PIP5K1B: variants seen among roughly 807,000 people sequenced by gnomAD.
The protein encoded by PIP5K1B is phosphatidylinositol-4-phosphate 5-kinase type 1 beta.
In PIP5K1B, 42 loss-of-function variants were observed where a neutral mutation model predicts 67.0. The ratio of observed to expected loss-of-function variants is 0.63; its 90% CI spans 0.49 to 0.81. The LOEUF is 0.81. Ranked by LOEUF, PIP5K1B falls within the 30% of genes least tolerant of loss-of-function variation. The probability of loss-of-function intolerance (pLI) is 0.00; values close to 1 mark genes in which losing one functional copy is unlikely to be tolerated. For synonymous variants in PIP5K1B, 214 were observed against 231.4 expected (o/e 0.92, Z 0.68); for missense variants, 459 against 646.3 (o/e 0.71, Z 3.14).
intron 14 of PIP5K1B, among the ~76,000 whole-genome samples, chr9:68,971,227 G>A (rs540291561): frequency 2.6e-4 from 40 of 152,036 alleles, no homozygotes; most frequent in Non-Finnish European, 5.4e-4. Flanking sequence ...TCCCACTTAC[G>A]AGTGAGAACA....
At chr9:68,768,493 TC>T (rs1830537831) in intron 2 of PIP5K1B, among the ~76,000 whole-genome samples, 1 of 152,140 alleles carries the variant, frequency 6.6e-6, no homozygotes, top group South Asian at 2.1e-4. Context: ...GAATTCACAG[TC>T]CTGGGGAAGG....
At chr9:68,740,063 C>T (rs1207842122) in intron 1 of PIP5K1B, among the ~76,000 whole-genome samples, 3 of 152,150 alleles carry the variant, frequency 2.0e-5, no homozygotes, top group African/African-American at 7.2e-5. Flanking sequence ...TCAGCCAGCT[C>T]CCCACCCTTT....
At chr9:68,924,924 A>G (rs1394164814) in intron 12 of PIP5K1B, among the ~76,000 whole-genome samples, 3 of 152,202 alleles carry the variant, frequency 2.0e-5, no homozygotes, top group East Asian at 3.8e-4. Context: ...TGTACTTTCT[A>G]CCAATCTTTA....
chr9:68,855,723 A>G (rs770203887), intron 4 of PIP5K1B, among the ~76,000 whole-genome samples: 2 of 152,096 alleles, frequency 1.3e-5, no homozygotes, highest in Non-Finnish European at 2.9e-5. Context: ...GTATCTCTAT[A>G]TGAACCACTA....
chr9:68,848,839 AT>A (rs1420795764), intron 4 of PIP5K1B, among the ~76,000 whole-genome samples: 5 of 152,244 alleles, frequency 3.3e-5, no homozygotes, highest in African/African-American at 7.2e-5. Flanking sequence ...CCATAAAAAA[AT>A]GAAAATTATA....
intron 6 of PIP5K1B, among the ~76,000 whole-genome samples, chr9:68,878,719 C>A (rs941275620): frequency 6.6e-6 from 1 of 152,198 alleles, no homozygotes; most frequent in African/African-American, 2.4e-5. Context: ...CCAATCAACT[C>A]TACCAGGCAA....
chr9:68,907,676 T>G (rs1825681993), intron 8 of PIP5K1B, among the ~76,000 whole-genome samples: 1 of 152,292 alleles, frequency 6.6e-6, no homozygotes, highest in South Asian at 2.1e-4. Context: ...TCTTTAGCCT[T>G]AAACAACCAC....
chr9:68,937,477 A>G (rs1227485202), intron 13 of PIP5K1B, among the ~76,000 whole-genome samples: 2 of 152,112 alleles, frequency 1.3e-5, no homozygotes, highest in African/African-American at 4.8e-5. Flanking sequence ...TATTGCATCC[A>G]TTTGATTCTT....
At chr9:68,790,785 TA>T (rs1403748640) in intron 2 of PIP5K1B, among the ~76,000 whole-genome samples, 1 of 152,228 alleles carries the variant, frequency 6.6e-6, no homozygotes, top group Non-Finnish European at 1.5e-5. Context: ...AGGTACTATA[TA>T]GATAGAAAGT....
chr9:68,901,797 T>C (rs1249307023), intron 8 of PIP5K1B, among the ~76,000 whole-genome samples: 3 of 152,232 alleles, frequency 2.0e-5, no homozygotes, highest in East Asian at 3.8e-4. Flanking sequence ...GAATGCCTTC[T>C]ACTCTCTGGT....
At chr9:68,717,445 C>G (rs1363636195) in intron 1 of PIP5K1B, among the ~76,000 whole-genome samples, 1 of 152,100 alleles carries the variant, frequency 6.6e-6, no homozygotes, top group African/African-American at 2.4e-5. Context: ...GCTGTCATAA[C>G]AAAGTGTCAA....
intron 1 of PIP5K1B, among the ~76,000 whole-genome samples, chr9:68,707,099 TG>T (rs1311231526): frequency 2.0e-5 from 3 of 152,152 alleles, no homozygotes; most frequent in East Asian, 3.9e-4. Flanking sequence ...GTTTCATGTG[TG>T]ATCTCTGAGC....
Position 68,945,505 on chromosome 9 carries a change from G to T in PIP5K1B, c.1502+4715G>T, listed in dbSNP as rs12342829. 7.4e-3 allele frequency among the ~76,000 whole-genome samples: 1,126 copies of T among 152,252 alleles called. 10 individuals carry two copies. Among genetic ancestry groups the T allele is most frequent in the African/African-American group, 0.025 (1,045 of 41,548 alleles). On this transcript the variant is annotated intron_variant, in intron 14 of 15. Transcript: ENST00000265382. ...GTTCTACCAGCTATTGGTGAATTTTGCTTATTAAAAACAGCATTGCAAAGG... is the reference window on the plus strand; with the variant it reads ...GTTCTACCAGCTATTGGTGAATTTTTCTTATTAAAAACAGCATTGCAAAGG...
intron 1 of PIP5K1B, among the ~76,000 whole-genome samples, chr9:68,730,387 A>G (rs1488946245): frequency 2.0e-5 from 3 of 152,208 alleles, no homozygotes; most frequent in Non-Finnish European, 4.4e-5. Context: ...TATGCTTCCA[A>G]TGAAAGTGAG....
rs151299041 is a variant in PIP5K1B at position 68,920,498 on chromosome 9, G to T, written c.1116+769G>T. ...TTCTCTTACCTCACCCTCCTGAGTA[G>T]CTGGGACAACAGGTGCGTGCCACGA... is the stretch of plus-strand genomic sequence containing the variant. On this transcript the variant is annotated intron_variant, in intron 11 of 15. Coordinates refer to ENST00000265382, the MANE Select transcript of PIP5K1B (RefSeq NM_003558.4). Among the ~76,000 whole-genome samples the T allele has an allele frequency of 2.3e-3, 340 of 149,692 alleles. 2 individuals carry two copies. Among genetic ancestry groups the T allele is most frequent in the African/African-American group, 8.0e-3 (328 of 40,884 alleles).
At position 68,914,728 on chromosome 9, in the gene PIP5K1B, A is replaced by G. The variant is rs772831785; in HGVS notation, c.772-2820A>G. 8.1e-4 allele frequency among the ~76,000 whole-genome samples: 124 copies of G among 152,190 alleles called. 1 individual carries two copies. The highest frequency in any genetic ancestry group is 1.3e-3 in the Non-Finnish European group (90 of 68,012). On this transcript the variant is annotated intron_variant, in intron 8 of 15. Coordinates refer to ENST00000265382, the MANE Select transcript of PIP5K1B (RefSeq NM_003558.4). ...AGACTCCATCTCAATAAAAAAAATA[A>G]ACAAATAAATAAATAAATAAAAAGA...
chr9:68,747,635 C>CT (rs1829387397), intron 2 of PIP5K1B, among the ~76,000 whole-genome samples: 1 of 151,994 alleles, frequency 6.6e-6, no homozygotes, highest in Admixed American at 6.5e-5. Context: ...AATATAGCTT[C>CT]TTTTTACAGC....
chr9:68,846,778 A>G (rs1348511179), intron 4 of PIP5K1B, among the ~76,000 whole-genome samples: 2 of 152,222 alleles, frequency 1.3e-5, no homozygotes, highest in African/African-American at 2.4e-5. Context: ...CTGTGATATA[A>G]TACATGTATG....
chr9:68,717,580 C>G (rs1373324323), intron 1 of PIP5K1B, among the ~76,000 whole-genome samples: 1 of 152,190 alleles, frequency 6.6e-6, no homozygotes, highest in African/African-American at 2.4e-5. Context: ...AGATGGCAAA[C>G]TTCTTCTAGT....
Sources: allele counts gnomAD v4.1 joint callset (sites outside exome capture counted in the v4.1 genomes callset), GRCh38; gene constraint gnomAD v4.1.1; transcripts MANE v1.5; gene names NCBI Gene and HGNC (gene_info 2026-07-23, HGNC 2026-07-21).